The following AIG1 variants were observed in gnomAD, a reference collection of about 807,000 sequenced individuals.
The protein encoded by AIG1 is androgen-induced gene 1 protein.
A neutral mutation model predicts 31.4 loss-of-function variants in AIG1; 23 were observed. The ratio of observed to expected loss-of-function variants is 0.73; its 90% confidence interval spans 0.53 to 1.04. AIG1 has a LOEUF of 1.04. AIG1 is among the 50% of genes least tolerant of loss of function. The pLI, the probability that AIG1 is intolerant of heterozygous loss-of-function variation, is 0.00. For missense variants in AIG1, 274 were observed against 295.0 expected, an observed-to-expected ratio of 0.93 and a Z score of 0.52; for synonymous variants, 100 against 110.5, an observed-to-expected ratio of 0.90 and a Z score of 0.60.
intron 3 of AIG1, among the ~76,000 whole-genome samples, chr6:143,247,253 TC>T (rs111871064): frequency 2.0e-5 from 3 of 152,270 alleles, no homozygotes; most frequent in African/African-American, 7.2e-5. Flanking sequence ...TGCTTCAGCC[TC>T]CCAAGTAACT....
At chr6:143,108,683 G>T (rs2128489350) in intron 1 of AIG1, among the ~76,000 whole-genome samples, 1 of 152,254 alleles carries the variant, frequency 6.6e-6, no homozygotes, top group African/African-American at 2.4e-5. Context: ...AACTTTCTAA[G>T]ATGTTTATAG....
At chr6:143,319,505 C>A (rs1458846578) in intron 4 of AIG1, among the ~76,000 whole-genome samples, 4 of 152,132 alleles carry the variant, frequency 2.6e-5, no homozygotes, top group African/African-American at 9.7e-5. Context: ...GAATAAAAAA[C>A]TACACGTTGG....
intron 1 of AIG1, among the ~76,000 whole-genome samples, chr6:143,092,192 C>A (rs868567559): frequency 6.6e-6 from 1 of 152,034 alleles, no homozygotes; most frequent in Non-Finnish European, 1.5e-5. Context: ...GCAGCCTTGA[C>A]CTCCTGGGCT....
At chr6:143,318,308 G>T (rs539601371) in intron 4 of AIG1, among the ~76,000 whole-genome samples, 1 of 152,198 alleles carries the variant, frequency 6.6e-6, no homozygotes, top group East Asian at 1.9e-4. Context: ...GAACAGAATG[G>T]AGATCCCAGA....
chr6:143,130,911 C>G (rs1034143474), intron 1 of AIG1, among the ~76,000 whole-genome samples: 1 of 152,140 alleles, frequency 6.6e-6, no homozygotes, highest in Non-Finnish European at 1.5e-5. Context: ...GTGTGTTGTT[C>G]CCCTCTCTGT....
At position 143,182,244 on chromosome 6, in the gene AIG1, G is replaced by A. The variant is rs1788799224; in HGVS notation, c.399+17061G>A. On this transcript the variant is annotated intron_variant, in intron 3 of 5. Coordinates refer to ENST00000357847, the MANE Select transcript of AIG1 (RefSeq NM_016108.4). ...AGCCAGGTTCTCACTATGTTGCCTA[G>A]GCTGATCTCAAATTTCTGGACTCAA... Among the ~76,000 whole-genome samples, 5 of 152,240 alleles carry A rather than the reference G, an allele frequency of 3.3e-5. No homozygotes were observed. In the South Asian group the frequency reaches 1.0e-3, roughly 32 times the overall value.
chr6:143,070,910 A>G (rs1216591398), intron 1 of AIG1, among the ~76,000 whole-genome samples: 1 of 152,262 alleles, frequency 6.6e-6, no homozygotes, highest in Non-Finnish European at 1.5e-5. Context: ...GATTCACTTC[A>G]GTTGTAAGAA....
chr6:143,188,359 A>G (rs1421997491), intron 3 of AIG1: 20 of 985,404 alleles, frequency 2.0e-5, no homozygotes, highest in Non-Finnish European at 1.9e-5. Context: ...ATGTTGCTGC[A>G]TAATGTCGCC....
chr6:143,208,806 A>T (rs774844816), intron 3 of AIG1, among the ~76,000 whole-genome samples: 2 of 151,924 alleles, frequency 1.3e-5, no homozygotes, highest in Non-Finnish European at 2.9e-5. Context: ...CTGGAAAATG[A>T]TCTCCTAGGA....
intron 2 of AIG1, 85 bp from the exon 3 acceptor site, chr6:143,164,994 TTGG>T (rs1336701796): frequency 9.9e-7 from 1 of 1,011,262 alleles, no homozygotes; most frequent in African/African-American, 1.6e-5. Flanking sequence ...CCAAATTCTG[TTGG>T]ATTCTTTCAA....
chr6:143,183,094 A>G (rs368851477), intron 3 of AIG1, among the ~76,000 whole-genome samples: 5 of 152,246 alleles, frequency 3.3e-5, no homozygotes, highest in East Asian at 1.9e-4. Flanking sequence ...CTGCAGAGCT[A>G]CAGGTCAGCC....
At chr6:143,142,153 G>A (rs778629975) in intron 2 of AIG1, among the ~76,000 whole-genome samples, 1 of 152,036 alleles carries the variant, frequency 6.6e-6, no homozygotes, top group Non-Finnish European at 1.5e-5. Flanking sequence ...TTTCACTGCA[G>A]CCTAAACCCC....
chr6:143,324,339 G>A (rs533557207), intron 4 of AIG1, among the ~76,000 whole-genome samples: 2 of 152,158 alleles, frequency 1.3e-5, no homozygotes, highest in African/African-American at 4.8e-5. Context: ...GATTTATCTT[G>A]CATCTTGCAA....
intron 4 of AIG1, among the ~76,000 whole-genome samples, chr6:143,322,463 T>G (rs1169548390): frequency 1.3e-5 from 2 of 152,174 alleles, no homozygotes; most frequent in African/African-American, 4.8e-5. Flanking sequence ...AAAGAACACA[T>G]GTTCCCTACA....
At chr6:143,332,460 T>C (rs1388142277) in intron 4 of AIG1, among the ~76,000 whole-genome samples, 1 of 152,180 alleles carries the variant, frequency 6.6e-6, no homozygotes, top group African/African-American at 2.4e-5. Context: ...GAGTCAAAAA[T>C]ATTTCTGGAA....
chr6:143,224,178 C>T (rs193273150), intron 3 of AIG1, among the ~76,000 whole-genome samples: 1 of 152,296 alleles, frequency 6.6e-6, no homozygotes, highest in East Asian at 1.9e-4. Context: ...TGATTTCGCT[C>T]CTGAGTTGTA....
At chr6:143,208,303 C>T (rs1215530860) in intron 3 of AIG1, among the ~76,000 whole-genome samples, 1 of 152,158 alleles carries the variant, frequency 6.6e-6, no homozygotes, top group Non-Finnish European at 1.5e-5. Flanking sequence ...CAACTTGTGG[C>T]CACAGAACTC....
intron 3 of AIG1, among the ~76,000 whole-genome samples, chr6:143,212,344 A>G (rs1240277516): frequency 6.6e-6 from 1 of 152,196 alleles, no homozygotes; most frequent in Non-Finnish European, 1.5e-5. Flanking sequence ...CTCAGCAGAT[A>G]GCATTTTCTG....
Position 143,082,518 on chromosome 6 carries a change from G to A in AIG1, c.141+21452G>A, listed in dbSNP as rs573556097. Among the ~76,000 whole-genome samples, 7 of 152,308 alleles carry A rather than the reference G, an allele frequency of 4.6e-5. No individual in the cohort carries two copies. In the South Asian group the frequency reaches 1.0e-3, roughly 23 times the overall value. Reference sequence around the variant, plus strand: ...AATAGAGCCCGATATTTAAGCAAACGGTTGTCTGACAGCCACAAGTCCCCT... The same window carrying A: ...AATAGAGCCCGATATTTAAGCAAACAGTTGTCTGACAGCCACAAGTCCCCT... On this transcript the variant is annotated intron_variant, in intron 1 of 5. Transcript: ENST00000357847.
Sources: allele counts gnomAD v4.1 joint callset (sites outside exome capture counted in the v4.1 genomes callset), GRCh38; gene constraint gnomAD v4.1.1; transcripts MANE v1.5; gene names NCBI Gene and HGNC (gene_info 2026-07-23, HGNC 2026-07-21).